The following SLX4 variants were observed in gnomAD, a reference collection of about 807,000 sequenced individuals.
The protein encoded by SLX4 is structure-specific endonuclease subunit SLX4.
Under a neutral mutation model 146.2 loss-of-function variants are expected in SLX4, and 112 were observed. The ratio of observed to expected loss-of-function variants is 0.77; its 90% CI spans 0.66 to 0.90. The LOEUF (loss-of-function observed/expected upper bound fraction) is 0.90. Ranked by LOEUF, SLX4 falls within the 40% of genes least tolerant of loss-of-function variation. SLX4 has a pLI of 0.00. For synonymous variants in SLX4, 1,061 were observed against 997.7 expected (o/e 1.06, Z -1.20); for missense variants, 2,563 against 2,392.7 (o/e 1.07, Z -1.49).
intron 12 of SLX4, among the ~76,000 whole-genome samples, chr16:3,586,433 A>G (rs1026680747): frequency 6.6e-6 from 1 of 151,844 alleles, no homozygotes; most frequent in Admixed American, 6.6e-5. Flanking sequence ...AGGTGGGAGG[A>G]TCACTTGAGC....
At chr16:3,585,070 G>C (rs1280721118) in intron 12 of SLX4, among the ~76,000 whole-genome samples, 199 bp from the exon 13 acceptor site, 1 of 152,150 alleles carries the variant, frequency 6.6e-6, no homozygotes, top group East Asian at 1.9e-4. Context: ...CACGCACTGA[G>C]GACCACACCT....
Position 3,584,877 on chromosome 16 carries a change from T to C in SLX4, c.4637-6A>G. The C allele has an allele frequency of 1.9e-6, 3 of 1,604,134 alleles. No individual in the cohort carries two copies. In the South Asian group the frequency reaches 3.3e-5, roughly 18 times the overall value. On this transcript the variant is annotated splice_region_variant and splice_polypyrimidine_tract_variant and intron_variant, in intron 12 of 14. Coordinates refer to ENST00000294008, the MANE Select transcript of SLX4 (RefSeq NM_032444.4). ...CTTCTTCCGATTAGCACCTTCTGGG[T>C]AAAACAAAAGAAGCACACGTTTTAG...
Position 3,593,662 on chromosome 16 carries a change from G to T in SLX4, c.2160+791C>A, listed in dbSNP as rs531986247. Among the ~76,000 whole-genome samples the T allele has an allele frequency of 3.9e-5, 6 of 152,264 alleles. No individual in the cohort carries two copies. In the East Asian group the frequency reaches 1.2e-3, roughly 29 times the overall value. The stretch of plus-strand genomic sequence containing the variant: ...ACTAGATATTCCAGGACCCCGTTAA[G>T]AGTCCTCCTGATAGACACATATGGG... On this transcript the variant is annotated intron_variant, in intron 10 of 14. Transcript: ENST00000294008.
At chr16:3,587,433 T>C (rs2040520633) in intron 12 of SLX4, among the ~76,000 whole-genome samples, 1 of 151,912 alleles carries the variant, frequency 6.6e-6, no homozygotes, top group African/African-American at 2.4e-5. Flanking sequence ...GAGGTGGAGG[T>C]TGCAGTGAGC....
chr16:3,588,856 G>GAGT, intron 12 of SLX4, 146 bp downstream of exon 12: 1 of 978,952 alleles, frequency 1.0e-6, no homozygotes, highest in Non-Finnish European at 1.6e-6. Flanking sequence ...CTGTGGAGGG[G>GAGT]AGTCTGGAAG....
Position 3,582,081 on chromosome 16 carries a change from T to C in SLX4, c.*261A>G. On this transcript the variant is annotated 3_prime_UTR_variant, in exon 15 of 15. Coordinates refer to ENST00000294008, the MANE Select transcript of SLX4 (RefSeq NM_032444.4). ...AAGAAAACCAAAAAGGGAGACACAC[T>C]GTGAGCACGGACAGAGGAAGGGGCT... 1 of 562,350 alleles carries C rather than the reference T, an allele frequency of 1.8e-6. No individual in the cohort carries two copies. The highest frequency in any genetic ancestry group is 2.3e-5 in the South Asian group (1 of 43,208). 34.8% of individuals were successfully genotyped at this position (562,350 alleles called of 1,614,324 possible).
At chr16:3,598,219 C>G (rs932851337) in intron 5 of SLX4, among the ~76,000 whole-genome samples, 1 of 152,216 alleles carries the variant, frequency 6.6e-6, no homozygotes, top group Non-Finnish European at 1.5e-5. Flanking sequence ...GGTTCCTTCA[C>G]GTGCTGCTGT....
chr16:3,595,741 T>G, intron 8 of SLX4, 48 bp from the exon 9 acceptor site: 1 of 1,599,840 alleles, frequency 6.3e-7, no homozygotes. Context: ...CCCAGCCACA[T>G]CCACCACCAA....
chr16:3,592,081 C>T (rs1392819369), intron 11 of SLX4, among the ~76,000 whole-genome samples: 2 of 152,280 alleles, frequency 1.3e-5, no homozygotes, highest in East Asian at 3.8e-4. Flanking sequence ...ACGGGCAAGC[C>T]AGCCAGCCAC....
At chr16:3,610,379 T>G (rs1246228752) in intron 1 of SLX4, among the ~76,000 whole-genome samples, 1 of 152,226 alleles carries the variant, frequency 6.6e-6, no homozygotes, top group Non-Finnish European at 1.5e-5. Context: ...GCCCACTGTT[T>G]TCACAATGGC....
intron 1 of SLX4, among the ~76,000 whole-genome samples, chr16:3,610,652 C>T (rs1382123849): frequency 1.3e-5 from 2 of 152,158 alleles, no homozygotes; most frequent in African/African-American, 2.4e-5. Flanking sequence ...CGAAACTATC[C>T]GCTCTTGTGT....
Position 3,608,855 on chromosome 16 carries a change from C to A in SLX4, c.110G>T (p.Ser37Ile). The change falls in exon 2 of 15, where the codon AGC becomes ATC. Residue 37 changes from serine to isoleucine, a missense_variant. Transcript: ENST00000294008. ...DPRSSEDQPE[S>I]LKTGQMMDES... is the part of the protein sequence containing the mutation. ...ATCCATCATCTGACCAGTTTTAAGG[C>A]TTTCAGGCTGGTCTTCAGAGGAGCG... 1 of 1,614,140 alleles carries A rather than the reference C, an allele frequency of 6.2e-7. No homozygotes were observed. The highest frequency in any genetic ancestry group is 8.5e-7 in the Non-Finnish European group (1 of 1,180,044).
chr16:3,609,036 T>C lies in SLX4; in HGVS notation c.-72A>G, dbSNP rs1335906942. The C allele has an allele frequency of 1.1e-5, 17 of 1,522,052 alleles. No individual in the cohort carries two copies. The highest frequency in any genetic ancestry group is 2.7e-5 in the African/African-American group (2 of 73,064). 94.3% of individuals were successfully genotyped at this position (1,522,052 alleles called of 1,614,324 possible). On this transcript the variant is annotated 5_prime_UTR_variant, in exon 2 of 15. Coordinates refer to ENST00000294008, the MANE Select transcript of SLX4 (RefSeq NM_032444.4). Reference sequence around the variant, plus strand: ...AATTGAACAAAAAGTACTGTTTTCCTCTCTATAATGATTGAAGTATCTTTG... The same window carrying C: ...AATTGAACAAAAAGTACTGTTTTCCCCTCTATAATGATTGAAGTATCTTTG...
intron 3 of SLX4, among the ~76,000 whole-genome samples, chr16:3,605,232 G>A (rs1461239033): frequency 1.3e-5 from 2 of 152,074 alleles, no homozygotes; most frequent in African/African-American, 4.8e-5. Context: ...TGGGACTACA[G>A]GCACCCACCA....
At position 3,600,305 on chromosome 16, in the gene SLX4, T is replaced by A. The variant is rs184749980; in HGVS notation, c.1163+674A>T. ...GCTCACCTCCTGCTGTGTGGCCAGGTTCCTAACAGGCCACAGACCGGTACT... is the reference window on the plus strand; with the variant it reads ...GCTCACCTCCTGCTGTGTGGCCAGGATCCTAACAGGCCACAGACCGGTACT... On this transcript the variant is annotated intron_variant, in intron 5 of 14. Coordinates refer to ENST00000294008, the MANE Select transcript of SLX4 (RefSeq NM_032444.4). Among the ~76,000 whole-genome samples the A allele has an allele frequency of 1.3e-3, 192 of 152,254 alleles. 1 individual carries two copies. Among genetic ancestry groups the A allele is most frequent in the African/African-American group, 4.4e-3 (184 of 41,554 alleles).
In SLX4 at chr16:3,595,773, C is replaced by G. The variant is rs914838281; in HGVS notation, c.1925-80G>C. ...CCAAGAAGACAGCGTTGACCACAGG[C>G]TGAGCCAGCCCCTGCGGTGCCTCGG... On this transcript the variant is annotated intron_variant, in intron 8 of 14. Coordinates refer to ENST00000294008, the MANE Select transcript of SLX4 (RefSeq NM_032444.4). The G allele has an allele frequency of 2.6e-6, 4 of 1,528,294 alleles. No homozygotes were observed. In the African/African-American group the frequency reaches 5.5e-5, roughly 21 times the overall value. The allele number at this position is 1,528,294 out of a possible 1,614,324, so 94.7% of individuals were successfully genotyped here.
chr16:3,586,817 CAAA>C (rs1361035549), intron 12 of SLX4, among the ~76,000 whole-genome samples: 2 of 92,376 alleles, frequency 2.2e-5, no homozygotes, highest in Non-Finnish European at 2.3e-5. Flanking sequence ...GGCTCCGTCT[CAAA>C]AAAAAAAAAA....
At chr16:3,610,286 G>A (rs746870338) in intron 1 of SLX4, among the ~76,000 whole-genome samples, 1 of 152,168 alleles carries the variant, frequency 6.6e-6, no homozygotes, top group Non-Finnish European at 1.5e-5. Context: ...TATGGCTGGC[G>A]CATTCTCTTC....
At position 3,595,585 on chromosome 16, in the gene SLX4, G is replaced by C; in HGVS notation, c.2013+20C>G. 1 of 1,612,964 alleles carries C rather than the reference G, an allele frequency of 6.2e-7. No individual in the cohort carries two copies. Among genetic ancestry groups the C allele is most frequent in the Non-Finnish European group, 8.5e-7 (1 of 1,179,602 alleles). ...TGGGATGGCCGGGACCAGAGAGCGC[G>C]GGCCAGAGCCAGTTCTTACCAAGGT... On this transcript the variant is annotated intron_variant, in intron 9 of 14. Coordinates refer to ENST00000294008, the MANE Select transcript of SLX4 (RefSeq NM_032444.4).
Sources: gnomAD v4.1 joint callset for allele counts (sites outside exome capture counted in the v4.1 genomes callset) on GRCh38, gnomAD v4.1.1 for gene constraint, MANE v1.5 for transcripts, NCBI Gene and HGNC (gene_info 2026-07-23, HGNC 2026-07-21) for gene names.